Variants in PCCA observed in about 807,000 individuals in gnomAD.
PCCA encodes propionyl-CoA carboxylase alpha chain, mitochondrial.
A neutral mutation model predicts 101.3 loss-of-function variants in PCCA; 74 were observed. The ratio of observed to expected loss-of-function variants is 0.73; its 90% CI spans 0.61 to 0.89. The LOEUF (loss-of-function observed/expected upper bound fraction) is 0.89. PCCA is among the 40% of genes least tolerant of loss of function. The pLI, the probability that PCCA is intolerant of heterozygous loss-of-function variation, is 0.00. For synonymous variants in PCCA, 294 were observed against 313.6 expected (o/e 0.94, Z 0.66); for missense variants, 891 against 907.0 (o/e 0.98, Z 0.23).
Position 100,416,333 on chromosome 13 carries a change from G to A in PCCA, c.1747-9300G>A, listed in dbSNP as rs1624962. Reference sequence around the variant, plus strand: ...AGTAGCTGGGATTACAGGTGCCCACGACCATGCCCATCTAATTTTTATATT... The same window carrying A: ...AGTAGCTGGGATTACAGGTGCCCACAACCATGCCCATCTAATTTTTATATT... On this transcript the variant is annotated intron_variant, in intron 19 of 23. Transcript: ENST00000376285. 6.8e-3 allele frequency among the ~76,000 whole-genome samples: 1,035 copies of A among 151,498 alleles called. 14 individuals are homozygous for A. Among genetic ancestry groups the A allele is most frequent in the African/African-American group, 0.023 (969 of 41,272 alleles).
intron 19 of PCCA, among the ~76,000 whole-genome samples, chr13:100,422,221 G>C (rs1234758093): frequency 6.7e-6 from 1 of 149,130 alleles, no homozygotes; most frequent in African/African-American, 2.5e-5. Flanking sequence ...TAGCTTGGAA[G>C]GCCTGGGCTC....
intron 7 of PCCA, among the ~76,000 whole-genome samples, chr13:100,211,629 G>C (rs2059217831): frequency 6.6e-6 from 1 of 152,072 alleles, no homozygotes; most frequent in Non-Finnish European, 1.5e-5. Context: ...TTAAATGGGG[G>C]TTTTATTCTG....
chr13:100,442,823 G>A (rs1406046356), intron 20 of PCCA, among the ~76,000 whole-genome samples: 1 of 152,174 alleles, frequency 6.6e-6, no homozygotes, highest in Non-Finnish European at 1.5e-5. Context: ...TGAGACCTAC[G>A]AAGAGGAGGG....
chr13:100,252,171 C>T (rs2061797764), intron 8 of PCCA, among the ~76,000 whole-genome samples: 1 of 152,170 alleles, frequency 6.6e-6, no homozygotes, highest in Admixed American at 6.5e-5. Context: ...TTCTGAGGTC[C>T]TATTACCCAT....
chr13:100,212,556 CTTCT>C (rs2059280796), intron 7 of PCCA, among the ~76,000 whole-genome samples: 1 of 152,192 alleles, frequency 6.6e-6, no homozygotes, highest in South Asian at 2.1e-4. Flanking sequence ...AATCCATTTA[CTTCT>C]TTCTTTGCCC....
chr13:100,258,128 A>C (rs1359254423), intron 9 of PCCA, among the ~76,000 whole-genome samples: 2 of 152,202 alleles, frequency 1.3e-5, no homozygotes, highest in Non-Finnish European at 2.9e-5. Context: ...TTACTTTGAT[A>C]ATTTTAGAGT....
intron 4 of PCCA, among the ~76,000 whole-genome samples, chr13:100,122,899 C>G (rs574052609): frequency 6.6e-6 from 1 of 152,244 alleles, no homozygotes; most frequent in South Asian, 2.1e-4. Flanking sequence ...GTGGAAGGAG[C>G]AAGGGAAGGA....
At chr13:100,138,133 A>G (rs992713794) in intron 4 of PCCA, among the ~76,000 whole-genome samples, 2 of 151,946 alleles carry the variant, frequency 1.3e-5, no homozygotes, top group Admixed American at 6.6e-5. Flanking sequence ...CTTTTGGGCT[A>G]CTGTTTTATT....
At chr13:100,484,727 C>T (rs1039143656) in intron 21 of PCCA, among the ~76,000 whole-genome samples, 2 of 152,052 alleles carry the variant, frequency 1.3e-5, no homozygotes, top group African/African-American at 2.4e-5. Context: ...TGAAAGAAAC[C>T]ATTGTTTTTT....
At chr13:100,322,541 C>A (rs957311082) in intron 16 of PCCA, among the ~76,000 whole-genome samples, 5 of 151,010 alleles carry the variant, frequency 3.3e-5, no homozygotes, top group African/African-American at 1.2e-4. Flanking sequence ...ACTATTCAGT[C>A]TCTCTGGATT....
intron 22 of PCCA, among the ~76,000 whole-genome samples, chr13:100,516,294 G>T (rs555360975): frequency 2.0e-5 from 3 of 152,134 alleles, no homozygotes; most frequent in African/African-American, 7.2e-5. Flanking sequence ...AATAGCATCC[G>T]GACATGACTG....
intron 19 of PCCA, among the ~76,000 whole-genome samples, chr13:100,393,417 C>CTT (rs11459500): frequency 0.018 from 2,073 of 113,634 alleles, 141 homozygotes; most frequent in African/African-American, 0.059. Flanking sequence ...ACTGAAGAGT[C>CTT]TTTTTTTTTT....
intron 17 of PCCA, among the ~76,000 whole-genome samples, chr13:100,331,605 T>C (rs886951524): frequency 6.6e-6 from 1 of 152,204 alleles, no homozygotes; most frequent in Admixed American, 6.5e-5. Flanking sequence ...TTTAAAACTT[T>C]AGTGTTATAG....
Position 100,390,599 on chromosome 13 carries a change from A to G in PCCA, c.1746+22025A>G, listed in dbSNP as rs1037752173. Reference sequence around the variant, plus strand: ...TCAGCAAAGGATACTGAAGAGGAGCATTGAAAGAGACTGTGTCAGAAAACC... The same window carrying G: ...TCAGCAAAGGATACTGAAGAGGAGCGTTGAAAGAGACTGTGTCAGAAAACC... On this transcript the variant is annotated intron_variant, in intron 19 of 23. Coordinates refer to ENST00000376285, the MANE Select transcript of PCCA (RefSeq NM_000282.4). Among the ~76,000 whole-genome samples the G allele has an allele frequency of 3.9e-5, 6 of 152,360 alleles. 1 individual carries two copies. The highest frequency in any genetic ancestry group is 3.3e-4 in the Admixed American group (5 of 15,302).
At chr13:100,255,080 A>G (rs559563506) in intron 8 of PCCA, among the ~76,000 whole-genome samples, 1 of 152,112 alleles carries the variant, frequency 6.6e-6, no homozygotes, top group African/African-American at 2.4e-5. Context: ...GCGAGACCAA[A>G]AACAAAAAAG....
At chr13:100,213,157 CTT>C (rs1348323979) in intron 7 of PCCA, among the ~76,000 whole-genome samples, 1 of 152,176 alleles carries the variant, frequency 6.6e-6, no homozygotes, top group East Asian at 1.9e-4. Flanking sequence ...ATTTAGGTTG[CTT>C]CCAAATGTTG....
chr13:100,354,120 A>G (rs1218187453), intron 18 of PCCA, among the ~76,000 whole-genome samples: 2 of 143,350 alleles, frequency 1.4e-5, no homozygotes, highest in African/African-American at 5.2e-5. Flanking sequence ...TAATAATAAT[A>G]AAATAATTCG....
chr13:100,335,990 C>G (rs1006584081), intron 17 of PCCA, among the ~76,000 whole-genome samples: 1 of 152,012 alleles, frequency 6.6e-6, no homozygotes, highest in African/African-American at 2.4e-5. Flanking sequence ...TGGCCGGGCA[C>G]GGTGGCTCAT....
chr13:100,108,458 G>A (rs1187039495), intron 2 of PCCA, among the ~76,000 whole-genome samples: 1 of 151,996 alleles, frequency 6.6e-6, no homozygotes, highest in African/African-American at 2.4e-5. Context: ...CCATCATCTG[G>A]ACTTTTTTTT....
Sources: allele counts gnomAD v4.1 joint callset (sites outside exome capture counted in the v4.1 genomes callset), GRCh38; gene constraint gnomAD v4.1.1; transcripts MANE v1.5; gene names NCBI Gene and HGNC (gene_info 2026-07-23, HGNC 2026-07-21).